The following ACSBG1 variants were observed in gnomAD, a reference collection of about 807,000 sequenced individuals.
ACSBG1 encodes acyl-CoA synthetase bubblegum family member 1, also known as long-chain-fatty-acid--CoA ligase ACSBG1.
In ACSBG1, 39 loss-of-function variants were observed where a neutral mutation model predicts 80.2. The ratio of observed to expected loss-of-function variants is 0.49; its 90% CI spans 0.38 to 0.64. The LOEUF (loss-of-function observed/expected upper bound fraction) is 0.64, where lower values mean the gene tolerates loss of function less well. Ranked by LOEUF, ACSBG1 falls within the 30% of genes least tolerant of loss-of-function variation. The pLI, the probability that ACSBG1 is intolerant of heterozygous loss-of-function variation, is 0.00. For missense variants in ACSBG1, 828 were observed against 966.4 expected, an observed-to-expected ratio of 0.86 and a Z score of 1.90; for synonymous variants, 392 against 379.5, an observed-to-expected ratio of 1.03 and a Z score of -0.38.
intron 1 of ACSBG1, among the ~76,000 whole-genome samples, chr15:78,217,567 T>A (rs200202161): frequency 3.5e-3 from 132 of 37,622 alleles, no homozygotes; most frequent in Admixed American, 6.2e-3. Context: ...TTTGGAAAAA[T>A]TTTTTTTTTT....
intron 3 of ACSBG1, 132 bp from the exon 4 acceptor site, chr15:78,194,152 TC>T (rs1276907759): frequency 2.6e-5 from 22 of 857,356 alleles, no homozygotes; most frequent in Non-Finnish European, 4.1e-5. Context: ...AGTCAGAGAA[TC>T]CCCTTGGAGG....
intron 10 of ACSBG1, 23 bp downstream of exon 10, chr15:78,179,517 GGTGTGCATGT>G: frequency 6.3e-7 from 1 of 1,583,156 alleles, no homozygotes; most frequent in Non-Finnish European, 8.7e-7. Context: ...AGGGCGCATG[GGTGTGCATGT>G]GTGTGGCAGC....
intron 1 of ACSBG1, among the ~76,000 whole-genome samples, chr15:78,221,668 A>G (rs1031104598): frequency 2.0e-5 from 3 of 152,170 alleles, no homozygotes; most frequent in African/African-American, 4.8e-5. Context: ...CCATGAGGCC[A>G]TATCTCAGGC....
At chr15:78,183,485 G>A (rs987062741) in intron 5 of ACSBG1, among the ~76,000 whole-genome samples, 1 of 152,096 alleles carries the variant, frequency 6.6e-6, no homozygotes. Context: ...ACTGAGGCAC[G>A]AGACTCGCTT....
At chr15:78,183,299 G>A (rs539890941) in intron 5 of ACSBG1, among the ~76,000 whole-genome samples, 73 of 152,324 alleles carry the variant, frequency 4.8e-4, no homozygotes, top group Admixed American at 3.4e-3. Flanking sequence ...AAAAGAGGCC[G>A]GGTGTGGTGG....
At chr15:78,233,225 C>A in intron 1 of ACSBG1, among the ~76,000 whole-genome samples, 1 of 152,226 alleles carries the variant, frequency 6.6e-6, no homozygotes, top group East Asian at 1.9e-4. Flanking sequence ...GGAAGAGTCC[C>A]TGCTTCTGGA....
chr15:78,179,191 C>G (rs1329759221), intron 10 of ACSBG1, among the ~76,000 whole-genome samples: 1 of 152,130 alleles, frequency 6.6e-6, no homozygotes, highest in Non-Finnish European at 1.5e-5. Flanking sequence ...CCTACCCCAG[C>G]TGGCCCCTGG....
chr15:78,180,721 C>T (rs755851172), intron 9 of ACSBG1, 34 bp downstream of exon 9: 3 of 1,601,344 alleles, frequency 1.9e-6, no homozygotes, highest in South Asian at 2.2e-5. Flanking sequence ...AGCCCACTCT[C>T]TCCCCAGGCC....
intron 1 of ACSBG1, among the ~76,000 whole-genome samples, chr15:78,212,164 C>T (rs887625840): frequency 7.2e-5 from 11 of 152,184 alleles, no homozygotes; most frequent in Non-Finnish European, 4.4e-5. Context: ...GCTCAATGAA[C>T]GCTTTCTTGA....
At chr15:78,207,640 A>G (rs963705376) in intron 2 of ACSBG1, 2 of 255,458 alleles carry the variant, frequency 7.8e-6, no homozygotes, top group Non-Finnish European at 1.5e-5. Context: ...CAAAAATCCC[A>G]AGGCATTGCT....
chr15:78,224,493 G>A (rs566811425), intron 1 of ACSBG1, among the ~76,000 whole-genome samples: 60 of 152,254 alleles, frequency 3.9e-4, no homozygotes, highest in Non-Finnish European at 6.2e-4. Context: ...GCCAAGGCAG[G>A]CAGATCACAA....
chr15:78,214,807 G>A (rs1294229842), intron 1 of ACSBG1, among the ~76,000 whole-genome samples: 1 of 152,128 alleles, frequency 6.6e-6, no homozygotes, highest in African/African-American at 2.4e-5. Context: ...GTTGTTCAAG[G>A]TCCTCCACCT....
At chr15:78,185,664 C>A (rs972367422) in intron 5 of ACSBG1, among the ~76,000 whole-genome samples, 1 of 151,894 alleles carries the variant, frequency 6.6e-6, no homozygotes, top group Non-Finnish European at 1.5e-5. Context: ...TGAATGACTC[C>A]TAAGCAGAAT....
intron 11 of ACSBG1, among the ~76,000 whole-genome samples, chr15:78,176,249 G>C (rs1380779810): frequency 6.6e-6 from 1 of 151,990 alleles, no homozygotes; most frequent in Admixed American, 6.6e-5. Flanking sequence ...TCTCCCCTGA[G>C]ATCAGGAACA....
chr15:78,179,558 C>T lies in ACSBG1; in HGVS notation c.1476G>A (p.Arg492=). 1 of 1,612,436 alleles carries T rather than the reference C, an allele frequency of 6.2e-7. No individual in the cohort carries two copies. The highest frequency in any genetic ancestry group is 1.1e-5 in the South Asian group (1 of 91,058). ...GCAGCCTCGAGCCTCACCTGTACAG[C>T]CGGTAGTTGTAGGGACTGGACATGA... The part of the protein sequence containing the change: ...PHFMSSPYNY[R]LYSSGKLVPG... Residue 492 remains arginine, a synonymous_variant, in exon 10 of 14, where the codon CGG becomes CGA. Transcript: ENST00000258873.
Position 78,228,311 on chromosome 15 carries a change from CTG to C in ACSBG1, c.131+6058_131+6059del, listed in dbSNP as rs547269236. 7.9e-5 allele frequency among the ~76,000 whole-genome samples: 12 copies of C among 152,322 alleles called. No homozygotes were observed. The East Asian group carries it at 1.5e-3, about 20-fold the overall frequency. Reference sequence around the variant, plus strand: ...CTACCACCACTGGCCCTAGATGAAACTGTGCTTTTGCGGAGCTGAAGAGGTAA... The same window carrying C: ...CTACCACCACTGGCCCTAGATGAAACTGCTTTTGCGGAGCTGAAGAGGTAA... On this transcript the variant is annotated intron_variant, in intron 1 of 13. Coordinates refer to ENST00000258873, the MANE Select transcript of ACSBG1 (RefSeq NM_015162.5).
intron 2 of ACSBG1, among the ~76,000 whole-genome samples, chr15:78,204,203 G>T (rs1279990635): frequency 6.6e-6 from 1 of 152,162 alleles, no homozygotes; most frequent in Non-Finnish European, 1.5e-5. Flanking sequence ...TTACAATTGG[G>T]GTAGACAAGA....
At chr15:78,216,356 G>C (rs1045475447) in intron 1 of ACSBG1, among the ~76,000 whole-genome samples, 2 of 152,132 alleles carry the variant, frequency 1.3e-5, no homozygotes, top group South Asian at 4.1e-4. Context: ...TGGGGAGGGG[G>C]TATAATGATG....
At chr15:78,191,593 A>G (rs989374023) in intron 5 of ACSBG1, among the ~76,000 whole-genome samples, 1 of 152,264 alleles carries the variant, frequency 6.6e-6, no homozygotes, top group African/African-American at 2.4e-5. Context: ...GGAGAATTCC[A>G]GCCAATGAAT....
Sources: allele counts gnomAD v4.1 joint callset (sites outside exome capture counted in the v4.1 genomes callset), GRCh38; gene constraint gnomAD v4.1.1; transcripts MANE v1.5; gene names NCBI Gene and HGNC (gene_info 2026-07-23, HGNC 2026-07-21).